Variants in ERBB4 observed in about 807,000 individuals in gnomAD.
ERBB4 encodes receptor tyrosine-protein kinase erbB-4.
Under a neutral mutation model 158.0 loss-of-function variants are expected in ERBB4, and 42 were observed. The observed-to-expected ratio is 0.27, with a 90% CI of 0.21 to 0.34. ERBB4 has a LOEUF of 0.34. Among genes scored for constraint, ERBB4 ranks in the 10% least tolerant of loss-of-function variants. The pLI, the probability that ERBB4 is intolerant of heterozygous loss-of-function variation, is 1.00. For synonymous variants in ERBB4, 583 were observed against 558.7 expected (o/e 1.04, Z -0.61); for missense variants, 1,333 against 1,624.1 (o/e 0.82, Z 3.08).
At chr2:211,795,978 T>G (rs969399230) in intron 3 of ERBB4, among the ~76,000 whole-genome samples, 5 of 151,928 alleles carry the variant, frequency 3.3e-5, no homozygotes, top group Non-Finnish European at 7.4e-5. Flanking sequence ...AAAACATAAA[T>G]CTTGTGACTT....
chr2:212,206,262 G>A (rs1014927874), intron 1 of ERBB4, among the ~76,000 whole-genome samples: 1 of 152,122 alleles, frequency 6.6e-6, no homozygotes, highest in Non-Finnish European at 1.5e-5. Context: ...CTACTTAGAG[G>A]CAGTCAAATC....
At chr2:211,754,713 T>C (rs1186318200) in intron 4 of ERBB4, among the ~76,000 whole-genome samples, 1 of 149,798 alleles carries the variant, frequency 6.7e-6, no homozygotes, top group Non-Finnish European at 1.5e-5. Flanking sequence ...GAGCTTTTTT[T>C]TTTTGAGACA....
At chr2:211,826,358 C>T (rs1269373205) in intron 3 of ERBB4, among the ~76,000 whole-genome samples, 1 of 151,612 alleles carries the variant, frequency 6.6e-6, no homozygotes, top group Non-Finnish European at 1.5e-5. Context: ...CTTTATGGAA[C>T]CTTCTATCTC....
intron 2 of ERBB4, among the ~76,000 whole-genome samples, chr2:212,001,658 G>C (rs568084301): frequency 6.6e-6 from 1 of 152,218 alleles, no homozygotes; most frequent in South Asian, 2.1e-4. Flanking sequence ...AAAGTCTTTT[G>C]TTTATTCTGC....
chr2:211,630,255 C>G lies in ERBB4; in HGVS notation c.2079+207G>C, dbSNP rs536055386. On this transcript the variant is annotated intron_variant, in intron 17 of 27. Transcript: ENST00000342788. ...TTCCCCAATACAATAATTTTCTTGA[C>G]CACTCCCATCTACCCCCTTGAAGCC... is the stretch of plus-strand genomic sequence containing the variant. Among the ~76,000 whole-genome samples the G allele has an allele frequency of 6.6e-5, 10 of 152,306 alleles. No homozygotes were observed. The South Asian group carries it at 2.1e-3, about 32-fold the overall frequency.
At chr2:211,622,039 T>C (rs1307219160) in intron 18 of ERBB4, among the ~76,000 whole-genome samples, 1 of 152,200 alleles carries the variant, frequency 6.6e-6, no homozygotes, top group Non-Finnish European at 1.5e-5. Context: ...TGATCCAGAA[T>C]GATTGTCAGT....
intron 1 of ERBB4, among the ~76,000 whole-genome samples, chr2:212,304,950 G>A (rs1251271357): frequency 6.6e-6 from 1 of 150,914 alleles, no homozygotes; most frequent in Non-Finnish European, 1.5e-5. Context: ...GTCTGTGTGT[G>A]TGTGTATATA....
intron 2 of ERBB4, among the ~76,000 whole-genome samples, chr2:212,065,385 G>A (rs2077913030): frequency 6.6e-6 from 1 of 151,822 alleles, no homozygotes. Flanking sequence ...CAAATTCAGT[G>A]GCTCAACTCA....
At chr2:212,227,355 A>G (rs11677095) in intron 1 of ERBB4, among the ~76,000 whole-genome samples, 58,138 of 151,900 alleles carry the variant, frequency 0.38, 12,950 homozygotes, top group East Asian at 0.76. Context: ...TGGAAAGCAG[A>G]CTCAAAACCT....
At chr2:212,334,079 A>T (rs774834322) in intron 1 of ERBB4, among the ~76,000 whole-genome samples, 3 of 152,102 alleles carry the variant, frequency 2.0e-5, no homozygotes, top group African/African-American at 7.2e-5. Flanking sequence ...TGGTACATGC[A>T]GATATAGCAT....
At chr2:212,190,467 G>A (rs1056560893) in intron 1 of ERBB4, among the ~76,000 whole-genome samples, 1 of 152,000 alleles carries the variant, frequency 6.6e-6, no homozygotes, top group Admixed American at 6.5e-5. Flanking sequence ...AACCCGGGAG[G>A]TGGGGCTTGC....
chr2:211,446,849 C>G (rs17803801), intron 20 of ERBB4, among the ~76,000 whole-genome samples: 2,651 of 152,034 alleles, frequency 0.017, 42 homozygotes, highest in Middle Eastern at 0.048. Flanking sequence ...CCAGTAATTC[C>G]TTCTACGCTT....
intron 2 of ERBB4, among the ~76,000 whole-genome samples, chr2:212,053,674 T>C (rs1183706853): frequency 6.6e-6 from 1 of 152,206 alleles, no homozygotes; most frequent in Non-Finnish European, 1.5e-5. Context: ...GATCTGGCCC[T>C]TCCTCCCCTT....
chr2:212,399,631 G>A (rs1223819076), intron 1 of ERBB4, among the ~76,000 whole-genome samples: 5 of 143,720 alleles, frequency 3.5e-5, no homozygotes, highest in African/African-American at 7.6e-5. Flanking sequence ...TTGGGAGGTC[G>A]AGGTGGGTGG....
At chr2:211,394,195 A>C (rs1218551550) in intron 25 of ERBB4, among the ~76,000 whole-genome samples, 1 of 152,182 alleles carries the variant, frequency 6.6e-6, no homozygotes, top group South Asian at 2.1e-4. Flanking sequence ...ATGGAATCAA[A>C]GAATGTTATT....
intron 2 of ERBB4, among the ~76,000 whole-genome samples, chr2:211,973,611 G>T (rs1228268086): frequency 6.6e-6 from 1 of 152,174 alleles, no homozygotes; most frequent in African/African-American, 2.4e-5. Context: ...GGAGAAAAAA[G>T]AATACTTATA....
chr2:212,172,336 C>A (rs1307718417), intron 1 of ERBB4, among the ~76,000 whole-genome samples: 1 of 152,088 alleles, frequency 6.6e-6, no homozygotes, highest in African/African-American at 2.4e-5. Flanking sequence ...TTAGTTCTAC[C>A]ATTGTGGAAA....
chr2:212,288,620 G>T (rs1293764555), intron 1 of ERBB4, among the ~76,000 whole-genome samples: 4 of 152,070 alleles, frequency 2.6e-5, no homozygotes, highest in African/African-American at 9.7e-5. Flanking sequence ...TTTGCTGATA[G>T]TCCTTCTTTC....
rs145549536 is a variant in ERBB4, at chr2:211,445,863, G to A, written c.2488-14763C>T. 1.8e-4 allele frequency among the ~76,000 whole-genome samples: 27 copies of A among 152,242 alleles called. No homozygotes were observed. In the East Asian group the frequency reaches 5.0e-3, roughly 28 times the overall value. ...AATATTTATATGATGCATGAGAGGA[G>A]CCAGTGAGTCAGGAGATTGATGATA... On this transcript the variant is annotated intron_variant, in intron 20 of 27. Coordinates refer to ENST00000342788, the MANE Select transcript of ERBB4 (RefSeq NM_005235.3).
Sources: gnomAD v4.1 joint callset for allele counts (sites outside exome capture counted in the v4.1 genomes callset) on GRCh38, gnomAD v4.1.1 for gene constraint, MANE v1.5 for transcripts, NCBI Gene and HGNC (gene_info 2026-07-23, HGNC 2026-07-21) for gene names.